The following CD244 variants were observed in gnomAD, a reference collection of about 807,000 sequenced individuals.
CD244 encodes the protein CD244 molecule.
Under a neutral mutation model 45.5 loss-of-function variants are expected in CD244, and 20 were observed. The observed-to-expected ratio is 0.44, with a 90% CI of 0.31 to 0.64. The LOEUF is 0.64. CD244 is among the 30% of genes least tolerant of loss of function. The probability of loss-of-function intolerance (pLI) is 0.08; values close to 1 mark genes in which losing one functional copy is unlikely to be tolerated. For missense variants in CD244, 407 were observed against 426.9 expected, an observed-to-expected ratio of 0.95 and a Z score of 0.41; for synonymous variants, 185 against 160.5, an observed-to-expected ratio of 1.15 and a Z score of -1.15.
chr1:160,839,460 G>A (rs1669457076), intron 3 of CD244, among the ~76,000 whole-genome samples: 1 of 152,110 alleles, frequency 6.6e-6, no homozygotes, highest in South Asian at 2.1e-4. Flanking sequence ...TCCACAATGT[G>A]GATTCAATGA....
At chr1:160,858,047 A>G (rs1670170522) in intron 1 of CD244, among the ~76,000 whole-genome samples, 1 of 146,786 alleles carries the variant, frequency 6.8e-6, no homozygotes, top group Non-Finnish European at 1.5e-5. Context: ...ACCCTGTCTC[A>G]CAAAAAAATA....
intron 1 of CD244, 62 bp from the exon 2 acceptor site, chr1:160,841,963 A>C (rs781023317): frequency 3.3e-5 from 49 of 1,463,528 alleles, no homozygotes; most frequent in Non-Finnish European, 2.7e-5. Context: ...CAATGTGGGC[A>C]GCTGGATGTG....
At chr1:160,832,088 G>A (rs1669146142) in intron 8 of CD244, among the ~76,000 whole-genome samples, 1 of 152,066 alleles carries the variant, frequency 6.6e-6, no homozygotes, top group African/African-American at 2.4e-5. Flanking sequence ...TCTGAACAGT[G>A]TTGACCCCTG....
intron 1 of CD244, among the ~76,000 whole-genome samples, chr1:160,859,676 G>A (rs1021928167): frequency 2.6e-5 from 4 of 151,980 alleles, no homozygotes; most frequent in Admixed American, 2.6e-4. Context: ...GGAGACTGAG[G>A]CAGGTGGATC....
intron 1 of CD244, among the ~76,000 whole-genome samples, chr1:160,852,218 T>G (rs1227146431): frequency 6.6e-6 from 1 of 152,190 alleles, no homozygotes; most frequent in African/African-American, 2.4e-5. Flanking sequence ...TATCAGAGAA[T>G]AATGAGATTT....
chr1:160,834,697 A>G (rs1260647906), intron 6 of CD244, among the ~76,000 whole-genome samples: 1 of 152,176 alleles, frequency 6.6e-6, no homozygotes, highest in Non-Finnish European at 1.5e-5. Flanking sequence ...AATGATCATA[A>G]TTTGCCCCAT....
intron 1 of CD244, among the ~76,000 whole-genome samples, chr1:160,846,175 CTATT>C (rs1322806612): frequency 6.6e-6 from 1 of 152,110 alleles, no homozygotes; most frequent in Non-Finnish European, 1.5e-5. Context: ...ACACTGCACT[CTATT>C]TATAGTCTTT....
intron 8 of CD244, among the ~76,000 whole-genome samples, chr1:160,831,701 T>A (rs2139660): frequency 0.66 from 99,683 of 151,982 alleles, 33,179 homozygotes; most frequent in African/African-American, 0.78. Context: ...TGACCCTGGG[T>A]TGTCCAGTTG....
At chr1:160,831,459 T>TG in intron 8 of CD244, 32 bp from the exon 9 acceptor site, 1 of 1,467,462 alleles carries the variant, frequency 6.8e-7, no homozygotes, top group East Asian at 2.3e-5. Context: ...TTCAGACCCT[T>TG]GCACTGGGAG....
At chr1:160,848,934 A>C (rs1669826616) in intron 1 of CD244, among the ~76,000 whole-genome samples, 1 of 152,232 alleles carries the variant, frequency 6.6e-6, no homozygotes, top group South Asian at 2.1e-4. Flanking sequence ...ATTGAACCCA[A>C]GGAGGGGGTT....
rs1215738031 is a variant in CD244 at position 160,832,868 on chromosome 1, G to GTATA, written c.961-294_961-293insTATA. ...AACCCATACACATATGTGTGTGTGTGTGTATATATATATATATATACACAC... is the reference window on the plus strand; with the variant it reads ...AACCCATACACATATGTGTGTGTGTGTATATGTATATATATATATATATACACAC... On this transcript the variant is annotated intron_variant, in intron 7 of 8. Transcript: ENST00000368034. The GTATA allele has an allele frequency of 5.7e-4, 181 of 316,044 alleles. 3 individuals are homozygous for GTATA. The highest frequency in any genetic ancestry group is 4.2e-3 in the South Asian group (148 of 35,238). The allele number at this position is 316,044 out of a possible 1,614,324, so 19.6% of individuals were successfully genotyped here.
intron 1 of CD244, among the ~76,000 whole-genome samples, chr1:160,856,371 A>G (rs1670105691): frequency 6.6e-6 from 1 of 152,126 alleles, no homozygotes; most frequent in Non-Finnish European, 1.5e-5. Flanking sequence ...ATCATCTCAT[A>G]TGTGATATTG....
chr1:160,861,308 G>C (rs2101899638), intron 1 of CD244, among the ~76,000 whole-genome samples: 1 of 152,202 alleles, frequency 6.6e-6, no homozygotes, highest in South Asian at 2.1e-4. Context: ...CAAATGTTGA[G>C]TCCACCTGAG....
chr1:160,836,093 G>T, intron 6 of CD244, 102 bp downstream of exon 6: 1 of 857,236 alleles, frequency 1.2e-6, no homozygotes. Flanking sequence ...GATTCTAGAA[G>T]CACCAAGATC....
intron 1 of CD244, among the ~76,000 whole-genome samples, chr1:160,854,438 A>G (rs1670031538): frequency 6.6e-6 from 1 of 152,146 alleles, no homozygotes; most frequent in South Asian, 2.1e-4. Context: ...ACTGGTGTGC[A>G]GTGGCATGAT....
In CD244 at chr1:160,840,999, G is replaced by C. The variant is rs113149654; in HGVS notation, c.655+211C>G. On this transcript the variant is annotated intron_variant, in intron 3 of 8. Transcript: ENST00000368034. ...AAGAAAAGCTTGCATCTCCCAGAAG[G>C]AAATAGGGATAACATTTTTTTCCAG... Among the ~76,000 whole-genome samples, 682 of 152,318 alleles carry C rather than the reference G, an allele frequency of 4.5e-3. 5 individuals are homozygous for C. The highest frequency in any genetic ancestry group is 0.015 in the African/African-American group (641 of 41,572).
In CD244 at chr1:160,838,956, C is replaced by A; in HGVS notation, c.749G>T (p.Arg250Met). The change falls in exon 4 of 9, where the codon AGG becomes ATG. Residue 250 changes from arginine (R) to methionine (M), a missense_variant. Transcript: ENST00000368034. ...LACFCVWRRK[R>M]KEKQSETSPK... ...CCACTCACCTGACTGCTTCTCCTTC[C>A]TCTTTCTCCTCCACACACAGAAGCA... is the stretch of plus-strand genomic sequence containing the variant. 6.2e-7 allele frequency: 1 copy of A among 1,613,276 alleles called. No individual in the cohort carries two copies. The highest frequency in any genetic ancestry group is 2.2e-5 in the East Asian group (1 of 44,878).
intron 1 of CD244, among the ~76,000 whole-genome samples, chr1:160,848,705 G>C (rs1426029328): frequency 6.6e-6 from 1 of 152,152 alleles, no homozygotes; most frequent in Admixed American, 6.5e-5. Flanking sequence ...ATGAAGTGAA[G>C]TCTCCATAAA....
In CD244 at chr1:160,841,791, G is replaced by C; in HGVS notation, c.172C>G (p.Pro58Ala). 1 of 1,614,104 alleles carries C rather than the reference G, an allele frequency of 6.2e-7. No homozygotes were observed. The highest frequency in any genetic ancestry group is 8.5e-7 in the Non-Finnish European group (1 of 1,179,974). The change falls in exon 2 of 9, where the codon CCC becomes GCC. Residue 58 changes from proline to alanine, a missense_variant. Transcript: ENST00000368034. ...VDSIAWKKLL[P>A]SQNGFHHILK... ...ATGTGATGAAATCCATTTTGTGAGGGCAGCAACTTCTTCCATGCAATGCTG... is the reference window on the plus strand; with the variant it reads ...ATGTGATGAAATCCATTTTGTGAGGCCAGCAACTTCTTCCATGCAATGCTG...
Sources: gnomAD v4.1 joint callset for allele counts (sites outside exome capture counted in the v4.1 genomes callset) on GRCh38, gnomAD v4.1.1 for gene constraint, MANE v1.5 for transcripts, NCBI Gene and HGNC (gene_info 2026-07-23, HGNC 2026-07-21) for gene names.